MARCO: variants seen among roughly 807,000 people sequenced by gnomAD.
The protein encoded by MARCO is macrophage receptor MARCO.
A neutral mutation model predicts 70.0 loss-of-function variants in MARCO; 72 were observed. The ratio of observed to expected loss-of-function variants is 1.03; its 90% CI spans 0.85 to 1.25. The LOEUF (loss-of-function observed/expected upper bound fraction) is 1.25. Ranked by LOEUF, MARCO falls within the 50% of genes most tolerant of loss-of-function variation. MARCO has a pLI of 0.00. For missense variants in MARCO, 696 were observed against 659.3 expected (o/e 1.06, Z -0.61); for synonymous variants, 273 against 243.1 (o/e 1.12, Z -1.14).
At chr2:118,953,214 G>A (rs1263691048) in intron 1 of MARCO, among the ~76,000 whole-genome samples, 2 of 152,250 alleles carry the variant, frequency 1.3e-5, no homozygotes, top group African/African-American at 4.8e-5. Flanking sequence ...GGCATAGGCT[G>A]TGAGCTGGAA....
intron 12 of MARCO, among the ~76,000 whole-genome samples, chr2:118,986,634 A>G (rs1363027067): frequency 2.6e-5 from 1 of 39,120 alleles, no homozygotes; most frequent in African/African-American, 1.7e-4. Flanking sequence ...AGAAAGAAAG[A>G]AAGAAAGAAA....
intron 6 of MARCO, among the ~76,000 whole-genome samples, chr2:118,976,521 TCCCTGC>T (rs559689938): frequency 2.1e-4 from 32 of 152,004 alleles, no homozygotes; most frequent in African/African-American, 7.2e-4. Context: ...AACAGATCCC[TCCCTGC>T]CCCTGCCCCT....
intron 8 of MARCO, among the ~76,000 whole-genome samples, chr2:118,980,111 C>T (rs1400026900): frequency 6.6e-6 from 1 of 152,188 alleles, no homozygotes; most frequent in Non-Finnish European, 1.5e-5. Flanking sequence ...CTTCATGTGG[C>T]CCAGCAATGC....
At chr2:118,988,043 A>T (rs1416015265) in intron 12 of MARCO, among the ~76,000 whole-genome samples, 4 of 152,214 alleles carry the variant, frequency 2.6e-5, no homozygotes, top group Non-Finnish European at 1.5e-5. Flanking sequence ...TTACTCACCT[A>T]GCATCTCTGA....
At chr2:118,975,869 T>G (rs982750492) in intron 6 of MARCO, among the ~76,000 whole-genome samples, 7 of 152,256 alleles carry the variant, frequency 4.6e-5, no homozygotes, top group Non-Finnish European at 2.9e-5. Flanking sequence ...ATCACACTTG[T>G]GCACATATGC....
In MARCO at chr2:118,971,512, C is replaced by A. The variant is rs765011608; in HGVS notation, c.438C>A (p.Ile146=). Residue 146 remains isoleucine (I), a synonymous_variant, in exon 4 of 17, where the codon ATC becomes ATA. Transcript: ENST00000327097. ...CTTCCCTTGCAGGGATGTTCAGAAT[C>A]AAAGGTGAACAAGGCGCCCCAGGTA... ...NFTQNPGMFR[I]KGEQGAPGLQ... is the part of the protein sequence containing the mutation. The A allele has an allele frequency of 2.1e-5, 34 of 1,613,916 alleles. No homozygotes were observed. The highest frequency in any genetic ancestry group is 5.5e-5 in the South Asian group (5 of 91,078).
chr2:118,991,745 G>A, intron 13 of MARCO, 32 bp from the exon 14 acceptor site: 3 of 1,387,490 alleles, frequency 2.2e-6, no homozygotes, highest in Non-Finnish European at 3.0e-6. Context: ...GCAAAGCAGG[G>A]CACCTGATCA....
chr2:118,951,547 C>A (rs1237697463), intron 1 of MARCO, among the ~76,000 whole-genome samples: 1 of 152,232 alleles, frequency 6.6e-6, no homozygotes, highest in Non-Finnish European at 1.5e-5. Context: ...GTTGCTGCTA[C>A]AGATTGAATG....
intron 1 of MARCO, among the ~76,000 whole-genome samples, chr2:118,951,520 G>T (rs1009317437): frequency 1.3e-5 from 2 of 152,176 alleles, no homozygotes; most frequent in Non-Finnish European, 2.9e-5. Context: ...TTTCTACTTT[G>T]CTCTCTTAGC....
Position 118,991,798 on chromosome 2 carries a change from A to G in MARCO, c.1130A>G (p.Glu377Gly). 1.3e-6 allele frequency: 2 copies of G among 1,594,332 alleles called. No homozygotes were observed. The highest frequency in any genetic ancestry group is 1.7e-6 in the Non-Finnish European group (2 of 1,171,860). ...CCAGGCCCTGCAGGTGTGAAGGGAG[A>G]ACAGGGGAGCCCAGGGCTGGCAGGT... ...GVPGPAGVKG[E>G]QGSPGLAGPK... The change falls in exon 14 of 17, where the codon GAA becomes GGA. Residue 377 changes from glutamate to glycine, a missense_variant. Transcript: ENST00000327097.
intron 8 of MARCO, 74 bp from the exon 9 acceptor site, chr2:118,981,335 G>T: frequency 1.1e-6 from 1 of 926,552 alleles, no homozygotes; most frequent in Non-Finnish European, 1.7e-6. Flanking sequence ...AGTGGAATGG[G>T]AAGTGTCAGA....
intron 8 of MARCO, 102 bp from the exon 9 acceptor site, chr2:118,981,307 T>G: frequency 4.0e-6 from 3 of 759,154 alleles, no homozygotes; most frequent in Non-Finnish European, 6.6e-6. Flanking sequence ...GCTCAAGGAG[T>G]TTAGGGTTTG....
intron 1 of MARCO, among the ~76,000 whole-genome samples, chr2:118,957,718 C>A (rs1049617720): frequency 1.3e-5 from 2 of 152,026 alleles, no homozygotes; most frequent in African/African-American, 4.8e-5. Flanking sequence ...AAGAAAACTA[C>A]AGACCAGTAT....
intron 15 of MARCO, 173 bp from the exon 16 acceptor site, chr2:118,992,951 G>C: frequency 3.2e-6 from 2 of 615,662 alleles, no homozygotes; most frequent in Non-Finnish European, 5.6e-6. Context: ...TGGAGGCTGC[G>C]TGCCAGGTTG....
chr2:118,982,962 C>T (rs1292331307), intron 12 of MARCO, among the ~76,000 whole-genome samples: 3 of 152,344 alleles, frequency 2.0e-5, no homozygotes, highest in Non-Finnish European at 2.9e-5. Context: ...ATATAGTCTA[C>T]TTTATAAGCC....
chr2:118,980,414 C>T (rs1680366811), intron 8 of MARCO, among the ~76,000 whole-genome samples: 1 of 152,208 alleles, frequency 6.6e-6, no homozygotes, highest in South Asian at 2.1e-4. Context: ...ATTCACAGCA[C>T]TCAATGCTAA....
chr2:118,982,561 T>C, intron 12 of MARCO, 151 bp downstream of exon 12: 1 of 739,294 alleles, frequency 1.4e-6, no homozygotes, highest in South Asian at 1.7e-5. Flanking sequence ...CAGTTGCCCC[T>C]GCCAGGACCC....
intron 12 of MARCO, among the ~76,000 whole-genome samples, chr2:118,986,932 T>C (rs1680529645): frequency 6.6e-6 from 1 of 152,134 alleles, no homozygotes; most frequent in Non-Finnish European, 1.5e-5. Flanking sequence ...TTGACGTTGC[T>C]GAGCCTGTTT....
rs1463351424 is a variant in MARCO at position 118,982,549 on chromosome 2, G to T, written c.1063+139G>T. 13 of 811,096 alleles carry T rather than the reference G, an allele frequency of 1.6e-5. No individual in the cohort carries two copies. In the East Asian group the frequency reaches 3.0e-4, roughly 19 times the overall value. 50.2% of individuals were successfully genotyped at this position (811,096 alleles called of 1,614,324 possible). ...GGCCTCTGAGGTTCCTGGTTATGGG[G>T]GCAGTTGCCCCTGCCAGGACCCCTT... On this transcript the variant is annotated intron_variant, in intron 12 of 16. Transcript: ENST00000327097.
Sources: gnomAD v4.1 joint callset for allele counts (sites outside exome capture counted in the v4.1 genomes callset) on GRCh38, gnomAD v4.1.1 for gene constraint, MANE v1.5 for transcripts, NCBI Gene and HGNC (gene_info 2026-07-23, HGNC 2026-07-21) for gene names.